LHPP: variants seen among roughly 807,000 people sequenced by gnomAD.
LHPP encodes the protein phospholysine phosphohistidine inorganic pyrophosphate phosphatase.
In LHPP, 24 loss-of-function variants were observed where a neutral mutation model predicts 30.3. That is an observed-to-expected ratio of 0.79 (90% CI 0.57 to 1.11). LHPP has a LOEUF of 1.11. Among genes scored for constraint, LHPP ranks in the 50% most tolerant of loss-of-function variants. LHPP has a pLI of 0.00. For synonymous variants in LHPP, 150 were observed against 157.1 expected, an observed-to-expected ratio of 0.95 and a Z score of 0.34; for missense variants, 356 against 367.2, an observed-to-expected ratio of 0.97 and a Z score of 0.25.
In LHPP at chr10:124,516,841, T is replaced by C. The variant is rs572865501; in HGVS notation, c.625-339T>C. Among the ~76,000 whole-genome samples the C allele has an allele frequency of 1.1e-4, 16 of 152,264 alleles. No individual in the cohort carries two copies. The East Asian group carries it at 2.3e-3, about 22-fold the overall frequency. On this transcript the variant is annotated intron_variant, in intron 5 of 6. Transcript: ENST00000368842. ...GCAAATAACCAGGTTACAGAGTCTT[T>C]AGGGTCAGGTGAAATTTAGCCTGTG...
intron 6 of LHPP, among the ~76,000 whole-genome samples, chr10:124,552,135 G>A (rs1010306788): frequency 2.0e-5 from 3 of 152,162 alleles, no homozygotes; most frequent in East Asian, 1.9e-4. Context: ...GCCCTCCTGC[G>A]CTCTTGCCCT....
chr10:124,522,450 C>G (rs1954633385), intron 6 of LHPP, among the ~76,000 whole-genome samples: 1 of 152,202 alleles, frequency 6.6e-6, no homozygotes, highest in Admixed American at 6.5e-5. Flanking sequence ...GCCATGAGTC[C>G]TGCAGCCCCA....
At chr10:124,497,527 T>G (rs994570272) in intron 4 of LHPP, among the ~76,000 whole-genome samples, 4 of 152,218 alleles carry the variant, frequency 2.6e-5, no homozygotes, top group African/African-American at 7.2e-5. Context: ...GGGGCTCCCC[T>G]GGGTCCACTC....
intron 6 of LHPP, among the ~76,000 whole-genome samples, chr10:124,588,804 T>A (rs1250042351): frequency 6.6e-6 from 1 of 152,114 alleles, no homozygotes; most frequent in Non-Finnish European, 1.5e-5. Context: ...AAGGCCTCCC[T>A]TGTCCCCTCC....
rs141298038 is a variant in LHPP at position 124,532,427 on chromosome 10, G to A, written c.716+15156G>A. Among the ~76,000 whole-genome samples, 135 of 152,336 alleles carry A rather than the reference G, an allele frequency of 8.9e-4. 2 individuals are homozygous for A. In the Middle Eastern group the frequency reaches 0.017, roughly 19 times the overall value. On this transcript the variant is annotated intron_variant, in intron 6 of 6. Transcript: ENST00000368842. ...CCCACCTGGACCTGCCCAAAAGCCC[G>A]AGCTCACAGCAGTGCCTCCGATTCC...
At chr10:124,509,456 C>T (rs1378304450) in intron 5 of LHPP, among the ~76,000 whole-genome samples, 1 of 152,132 alleles carries the variant, frequency 6.6e-6, no homozygotes, top group Non-Finnish European at 1.5e-5. Flanking sequence ...GGCTGTGATG[C>T]ATGTTGCTTA....
At chr10:124,609,985 G>A (rs1446594797) in intron 6 of LHPP, among the ~76,000 whole-genome samples, 5 of 152,204 alleles carry the variant, frequency 3.3e-5, no homozygotes, top group Non-Finnish European at 7.3e-5. Context: ...TTTGGTGAAC[G>A]TGAGGATGCA....
Position 124,496,834 on chromosome 10 carries a change from C to T in LHPP, c.468-127C>T. On this transcript the variant is annotated intron_variant, in intron 3 of 6. Coordinates refer to ENST00000368842, the MANE Select transcript of LHPP (RefSeq NM_022126.4). This position sits in a 1 kb window ranked among gnomAD's most constrained non-coding sequence, Gnocchi z 4.3. ...GGTCATTCTCAGCGTAGCGCCTGGA[C>T]TGCCCCTCAGCCGCGGCTTGGCTCT... 1.3e-6 allele frequency: 1 copy of T among 785,080 alleles called. No homozygotes were observed. The highest frequency in any genetic ancestry group is 2.1e-6 in the Non-Finnish European group (1 of 473,416). The allele number at this position is 785,080 out of a possible 1,614,324, so 48.6% of individuals were successfully genotyped here.
At chr10:124,603,366 C>G (rs538650646) in intron 6 of LHPP, among the ~76,000 whole-genome samples, 1 of 152,166 alleles carries the variant, frequency 6.6e-6, no homozygotes, top group Middle Eastern at 3.4e-3. Flanking sequence ...GATGGCCAAA[C>G]GGATGGGGGA....
intron 5 of LHPP, among the ~76,000 whole-genome samples, chr10:124,516,325 C>T (rs759810654): frequency 7.9e-5 from 12 of 152,120 alleles, no homozygotes; most frequent in African/African-American, 2.7e-4. Context: ...GACAGCAGTC[C>T]CATCAGATCA....
intron 1 of LHPP, among the ~76,000 whole-genome samples, chr10:124,477,361 T>C (rs1269396842): frequency 6.6e-6 from 1 of 152,166 alleles, no homozygotes; most frequent in African/African-American, 2.4e-5. Flanking sequence ...TCTGCACTGG[T>C]TCCCATTTCA....
At position 124,478,897 on chromosome 10, in the gene LHPP, C is replaced by T. The variant is rs1412432900; in HGVS notation, c.126-5242C>T. Among the ~76,000 whole-genome samples the T allele has an allele frequency of 1.3e-5, 2 of 152,008 alleles. No homozygotes were observed. Among genetic ancestry groups the T allele is most frequent in the Non-Finnish European group, 2.9e-5 (2 of 68,006 alleles). On this transcript the variant is annotated intron_variant, in intron 1 of 6. Coordinates refer to ENST00000368842, the MANE Select transcript of LHPP (RefSeq NM_022126.4). The surrounding 1 kb of genome is among the most constrained non-coding windows in gnomAD (Gnocchi z 4.7). ...CAGCCTGGGCAACATGGTGAGACCC[C>T]GTCTCTACTAAAAATATAAAAATTA...
Position 124,482,033 on chromosome 10 carries a change from A to G in LHPP, c.126-2106A>G, listed in dbSNP as rs966806946. ...AAAGTCTCAGGCTCAAGAGCGGAAC[A>G]GAAAGCCCTTGACATTTCTGGGATT... On this transcript the variant is annotated intron_variant, in intron 1 of 6. Coordinates refer to ENST00000368842, the MANE Select transcript of LHPP (RefSeq NM_022126.4). Among the ~76,000 whole-genome samples, 3 of 152,252 alleles carry G rather than the reference A, an allele frequency of 2.0e-5. No homozygotes were observed. The South Asian group carries it at 6.2e-4, about 31-fold the overall frequency.
At chr10:124,603,928 G>C (rs2362511) in intron 6 of LHPP, among the ~76,000 whole-genome samples, 80,104 of 152,120 alleles carry the variant, frequency 0.53, 21,585 homozygotes, top group African/African-American at 0.62. Flanking sequence ...CCCCCAGGCA[G>C]CTGCTAAGGC....
In LHPP at chr10:124,461,850, A is replaced by G. The variant is rs781125520; in HGVS notation, c.-13A>G. ...CGGTTGGGACGCGGAGCTGAGGAGCAGGGCCGGGCGCCATGGCACCGTGGG... is the reference window on the plus strand; with the variant it reads ...CGGTTGGGACGCGGAGCTGAGGAGCGGGGCCGGGCGCCATGGCACCGTGGG... On this transcript the variant is annotated 5_prime_UTR_variant, in exon 1 of 7. Transcript: ENST00000368842. 3.2e-6 allele frequency: 4 copies of G among 1,240,428 alleles called. No individual in the cohort carries two copies. The highest frequency in any genetic ancestry group is 4.1e-5 in the Admixed American group (1 of 24,460). The allele number at this position is 1,240,428 out of a possible 1,614,324, so 76.8% of individuals were successfully genotyped here. A position where few individuals can be genotyped will look rare whatever the true frequency, so the allele number is the denominator to read the frequency against.
chr10:124,517,129 G>A lies in LHPP; in HGVS notation c.625-51G>A, dbSNP rs370048142. On this transcript the variant is annotated intron_variant, in intron 5 of 6. Transcript: ENST00000368842. This position sits in a 1 kb window ranked among gnomAD's most constrained non-coding sequence, Gnocchi z 4.1. The stretch of plus-strand genomic sequence containing the variant: ...GTCAAAAAAAGATGAAGGAGCCCGG[G>A]AATAAAACTCTCCTGACATCACTTC... The A allele has an allele frequency of 1.1e-5, 14 of 1,273,750 alleles. No individual in the cohort carries two copies. Among genetic ancestry groups the A allele is most frequent in the Non-Finnish European group, 1.5e-5 (14 of 921,830 alleles). 78.9% of individuals were successfully genotyped at this position (1,273,750 alleles called of 1,614,324 possible).
At chr10:124,476,946 G>A (rs140233073) in intron 1 of LHPP, among the ~76,000 whole-genome samples, 2,206 of 152,294 alleles carry the variant, frequency 0.014, 41 homozygotes, top group African/African-American at 0.049. Context: ...GGTGGCTTAC[G>A]CCTGTAATCC....
chr10:124,537,850 T>G (rs1955068768), intron 6 of LHPP, among the ~76,000 whole-genome samples: 1 of 152,234 alleles, frequency 6.6e-6, no homozygotes, highest in Admixed American at 6.5e-5. Context: ...CGCCCCGTTA[T>G]GAATGTGTGT....
chr10:124,561,973 C>G (rs954066355), intron 6 of LHPP, among the ~76,000 whole-genome samples: 7 of 152,150 alleles, frequency 4.6e-5, no homozygotes, highest in African/African-American at 1.7e-4. Context: ...TGCAAATATG[C>G]TCAAAACAAA....
Sources: gnomAD v4.1 joint callset for allele counts (sites outside exome capture counted in the v4.1 genomes callset) on GRCh38, gnomAD v4.1.1 for gene constraint, Gnocchi (gnomAD v3.1) non-coding constraint, MANE v1.5 for transcripts, NCBI Gene and HGNC (gene_info 2026-07-23, HGNC 2026-07-21) for gene names.